Variants in PBX4 observed in about 807,000 individuals in gnomAD.
The protein encoded by PBX4 is PBX homeobox 4.
Under a neutral mutation model 35.1 loss-of-function variants are expected in PBX4, and 26 were observed. The ratio of observed to expected loss-of-function variants is 0.74; its 90% CI spans 0.54 to 1.03. The LOEUF is 1.03. PBX4 is among the 50% of genes least tolerant of loss of function. The pLI is 0.00. For missense variants in PBX4, 448 were observed against 504.3 expected (o/e 0.89, Z 1.07); for synonymous variants, 199 against 204.2 (o/e 0.97, Z 0.22).
intron 2 of PBX4, among the ~76,000 whole-genome samples, chr19:19,572,581 C>T (rs913800664): frequency 2.0e-5 from 3 of 149,754 alleles, no homozygotes; most frequent in Non-Finnish European, 4.5e-5. Flanking sequence ...ATTTCCACTT[C>T]AGGCTGGGCG....
Position 19,570,786 on chromosome 19 carries a change from G to A in PBX4, c.241C>T (p.Leu81Phe). The change falls in exon 3 of 8, where the codon CTC becomes TTC. Residue 81 changes from leucine to phenylalanine, a missense_variant. Leu to Phe is a conservative substitution (Grantham distance 22). Coordinates refer to ENST00000251203, the MANE Select transcript of PBX4 (RefSeq NM_025245.3). Reference sequence around the variant, plus strand: ...AGCAGCATGTTATCCAGCCTCAGGAGCTGGGCGTCAGGGGGATCTTCGTCT... The same window carrying A: ...AGCAGCATGTTATCCAGCCTCAGGAACTGGGCGTCAGGGGGATCTTCGTCT... Reference protein sequence around the residue: ...IQDEDPPDAQLLRLDNMLLAE... With the variant: ...IQDEDPPDAQFLRLDNMLLAE... 6.2e-7 allele frequency: 1 copy of A among 1,614,136 alleles called. No individual in the cohort carries two copies. Among genetic ancestry groups the A allele is most frequent in the Non-Finnish European group, 8.5e-7 (1 of 1,180,042 alleles).
intron 1 of PBX4, among the ~76,000 whole-genome samples, chr19:19,615,804 C>T (rs1284237943): frequency 5.3e-5 from 8 of 151,948 alleles, no homozygotes; most frequent in African/African-American, 1.9e-4. Flanking sequence ...GCAGGAGAAT[C>T]GCTTGAACCC....
intron 2 of PBX4, among the ~76,000 whole-genome samples, chr19:19,581,690 GACCTGTTTGGTGGGAAGCAGGCCTGTCCA>G (rs1259864278): frequency 6.6e-6 from 1 of 152,190 alleles, no homozygotes; most frequent in Non-Finnish European, 1.5e-5. Flanking sequence ...CACTTTGGGA[GACCTGTTTGGTGGGAAGCAGGCCTGTCCA>G]ACCCCAAGAA....
In PBX4 at chr19:19,591,750, A is replaced by G. The variant is rs2061529695; in HGVS notation, c.193+7542T>C. Among the ~76,000 whole-genome samples, 4 of 152,244 alleles carry G rather than the reference A, an allele frequency of 2.6e-5. No individual in the cohort carries two copies. The South Asian group carries it at 6.2e-4, about 24-fold the overall frequency. The stretch of plus-strand genomic sequence containing the variant: ...CATGCTCATGTGGAGGTAAAGCCTG[A>G]CACATTCCAACGTGCCAGGCTGTCC... On this transcript the variant is annotated intron_variant, in intron 2 of 7. Coordinates refer to ENST00000251203, the MANE Select transcript of PBX4 (RefSeq NM_025245.3).
chr19:19,568,317 T>C (rs1185189754), intron 5 of PBX4, among the ~76,000 whole-genome samples: 3 of 134,334 alleles, frequency 2.2e-5, no homozygotes, highest in Admixed American at 7.5e-5. Flanking sequence ...TCACACTCTA[T>C]CAGTATCCCT....
intron 1 of PBX4, among the ~76,000 whole-genome samples, chr19:19,604,701 A>G (rs1016386592): frequency 6.6e-6 from 1 of 151,920 alleles, no homozygotes; most frequent in Non-Finnish European, 1.5e-5. Flanking sequence ...CCCAGGTTCA[A>G]GTGATTCTCC....
chr19:19,598,913 CTTTTTTTTT>C (rs34982058), intron 2 of PBX4, among the ~76,000 whole-genome samples: 1 of 112,592 alleles, frequency 8.9e-6, no homozygotes, highest in Non-Finnish European at 1.8e-5. Context: ...CAGGAAGTGC[CTTTTTTTTT>C]TTTTTTTTTT....
At chr19:19,578,313 T>C (rs1157418999) in intron 2 of PBX4, among the ~76,000 whole-genome samples, 2 of 152,158 alleles carry the variant, frequency 1.3e-5, no homozygotes, top group Admixed American at 6.5e-5. Context: ...GCTGGGGACA[T>C]CTGCCCTGCC....
At chr19:19,579,280 C>A (rs1257947032) in intron 2 of PBX4, among the ~76,000 whole-genome samples, 1 of 151,100 alleles carries the variant, frequency 6.6e-6, no homozygotes, top group African/African-American at 2.4e-5. Context: ...ACCTGGGAGG[C>A]GGAGGTTGCA....
At chr19:19,615,900 ACAC>A (rs1275587150) in intron 1 of PBX4, among the ~76,000 whole-genome samples, 3 of 152,080 alleles carry the variant, frequency 2.0e-5, no homozygotes, top group African/African-American at 7.2e-5. Flanking sequence ...ACACACACAC[ACAC>A]AATTCATTGA....
chr19:19,570,193 C>G lies in PBX4; in HGVS notation c.548G>C (p.Gly183Ala). 6.2e-7 allele frequency: 1 copy of G among 1,614,106 alleles called. No individual in the cohort carries two copies. The highest frequency in any genetic ancestry group is 1.3e-5 in the African/African-American group (1 of 75,072). Residue 183 changes from glycine (G) to alanine (A), a missense_variant, in exon 4 of 8, where the codon GGC (glycine) becomes GCC (alanine). Physicochemically the swap from Gly to Ala is moderately conservative, Grantham distance 60 (BLOSUM62 0). Coordinates refer to ENST00000251203, the MANE Select transcript of PBX4 (RefSeq NM_025245.3). Reference sequence around the variant, plus strand: ...CTGCATCTGGATGGCGCTGAACTTGCCGTGAATGGCGCCGACCATGCGCTC... The same window carrying G: ...CTGCATCTGGATGGCGCTGAACTTGGCGTGAATGGCGCCGACCATGCGCTC... ...EIERMVGAIHGKFSAIQMQLK... is the reference protein window; with the variant it reads ...EIERMVGAIHAKFSAIQMQLK...
At chr19:19,570,899 T>C in intron 2 of PBX4, 66 bp from the exon 3 acceptor site, 1 of 1,582,444 alleles carries the variant, frequency 6.3e-7, no homozygotes, top group Non-Finnish European at 8.6e-7. Flanking sequence ...CATGAGAAAA[T>C]GTGAGCACTG....
intron 1 of PBX4, chr19:19,606,683 A>G (rs564836952): frequency 6.6e-6 from 1 of 152,386 alleles, no homozygotes; most frequent in Non-Finnish European, 1.5e-5. Flanking sequence ...TCTAACAAGT[A>G]TATGACACGT....
intron 2 of PBX4, among the ~76,000 whole-genome samples, chr19:19,588,822 C>A (rs1057334230): frequency 6.6e-6 from 1 of 152,134 alleles, no homozygotes; most frequent in African/African-American, 2.4e-5. Flanking sequence ...AAAGAATTTC[C>A]CAAGGAACTG....
intron 2 of PBX4, among the ~76,000 whole-genome samples, chr19:19,589,221 G>T (rs1471211962): frequency 2.6e-5 from 4 of 152,122 alleles, no homozygotes; most frequent in African/African-American, 9.7e-5. Context: ...GAGGTCAGGA[G>T]ATCGAGACCA....
chr19:19,567,469 G>A (rs1025549660), intron 5 of PBX4, among the ~76,000 whole-genome samples: 3 of 152,214 alleles, frequency 2.0e-5, no homozygotes, highest in African/African-American at 7.2e-5. Context: ...CAACTGCAAA[G>A]TAGGGAGGGC....
intron 2 of PBX4, among the ~76,000 whole-genome samples, chr19:19,598,433 G>C (rs962343902): frequency 2.6e-5 from 4 of 151,724 alleles, no homozygotes; most frequent in African/African-American, 9.7e-5. Flanking sequence ...AAGTAGCTGG[G>C]ATTACAGGCA....
intron 3 of PBX4, 135 bp downstream of exon 3, chr19:19,570,451 A>C: frequency 6.9e-7 from 1 of 1,452,520 alleles, no homozygotes; most frequent in East Asian, 2.3e-5. Flanking sequence ...TTCAGTAACA[A>C]TGGACCACCT....
At chr19:19,608,407 C>T (rs1363096290) in intron 1 of PBX4, 6 of 152,362 alleles carry the variant, frequency 3.9e-5, no homozygotes, top group African/African-American at 7.3e-5. Context: ...AGTGAGACTC[C>T]GTCTCAAAAA....
Sources: allele counts gnomAD v4.1 joint callset (sites outside exome capture counted in the v4.1 genomes callset), GRCh38; gene constraint gnomAD v4.1.1; transcripts MANE v1.5; gene names NCBI Gene and HGNC (gene_info 2026-07-23, HGNC 2026-07-21).